The following NOSTRIN variants were observed in gnomAD, a reference collection of about 807,000 sequenced individuals.
NOSTRIN encodes nitric oxide synthase trafficking.
A neutral mutation model predicts 59.0 loss-of-function variants in NOSTRIN; 63 were observed. The observed-to-expected ratio is 1.07, with a 90% confidence interval of 0.87 to 1.32. NOSTRIN has a LOEUF of 1.32. Among genes scored for constraint, NOSTRIN ranks in the 40% most tolerant of loss-of-function variants. The pLI is 0.00. For missense variants in NOSTRIN, 512 were observed against 473.1 expected, an observed-to-expected ratio of 1.08 and a Z score of -0.76; for synonymous variants, 200 against 165.4, an observed-to-expected ratio of 1.21 and a Z score of -1.61.
intron 5 of NOSTRIN, among the ~76,000 whole-genome samples, chr2:168,830,694 T>C (rs1172967467): frequency 6.6e-6 from 1 of 152,202 alleles, no homozygotes; most frequent in Non-Finnish European, 1.5e-5. Flanking sequence ...AGGGAAAAAG[T>C]TAATTATGAT....
At chr2:168,819,343 A>G (rs1001410820) in intron 2 of NOSTRIN, among the ~76,000 whole-genome samples, 1 of 152,222 alleles carries the variant, frequency 6.6e-6, no homozygotes, top group Non-Finnish European at 1.5e-5. Context: ...CTGCCTCATT[A>G]GACCGGAAGC....
chr2:168,837,987 C>T (rs1574303469), intron 7 of NOSTRIN, among the ~76,000 whole-genome samples: 1 of 152,160 alleles, frequency 6.6e-6, no homozygotes, highest in Non-Finnish European at 1.5e-5. Context: ...GGGCCTCACT[C>T]TATTCTCTTC....
intron 8 of NOSTRIN, among the ~76,000 whole-genome samples, chr2:168,847,851 C>A (rs2105740226): frequency 1.3e-5 from 2 of 152,268 alleles, no homozygotes; most frequent in East Asian, 3.9e-4. Flanking sequence ...GAATTTATTT[C>A]CTCCTCTTCT....
intron 2 of NOSTRIN, among the ~76,000 whole-genome samples, chr2:168,788,871 G>A (rs1050265881): frequency 8.0e-5 from 12 of 150,052 alleles, no homozygotes; most frequent in East Asian, 2.0e-4. Context: ...GTATGTGTGC[G>A]TATACACACA....
chr2:168,795,800 C>G (rs1685463867), upstream of NOSTRIN, among the ~76,000 whole-genome samples: 1 of 152,132 alleles, frequency 6.6e-6, no homozygotes, highest in Admixed American at 6.6e-5. Context: ...ATAAAAGTTA[C>G]CTTAGATGCT....
chr2:168,813,988 T>C (rs928551888), intron 2 of NOSTRIN, among the ~76,000 whole-genome samples: 8 of 152,216 alleles, frequency 5.3e-5, no homozygotes, highest in Non-Finnish European at 1.2e-4. Context: ...AGCTTTCAAG[T>C]TTCCTCCCCT....
intron 7 of NOSTRIN, among the ~76,000 whole-genome samples, chr2:168,838,509 G>T (rs2105693891): frequency 6.6e-6 from 1 of 152,216 alleles, no homozygotes; most frequent in East Asian, 1.9e-4. Context: ...CAAAATACTG[G>T]GATTACAGGC....
chr2:168,852,024 C>T (rs1354049792), intron 10 of NOSTRIN, among the ~76,000 whole-genome samples: 1 of 152,154 alleles, frequency 6.6e-6, no homozygotes, highest in Non-Finnish European at 1.5e-5. Context: ...GTGGGTCTCT[C>T]CATGTCTCAG....
intron 12 of NOSTRIN, chr2:168,859,238 TTCA>T (rs1689295165): frequency 3.3e-6 from 1 of 299,132 alleles, no homozygotes; most frequent in African/African-American, 2.2e-5. Flanking sequence ...GTAAAACCTC[TTCA>T]TTGCCATAAA....
At chr2:168,842,347 A>G (rs1394685142) in intron 7 of NOSTRIN, among the ~76,000 whole-genome samples, 1 of 152,110 alleles carries the variant, frequency 6.6e-6, no homozygotes, top group African/African-American at 2.4e-5. Flanking sequence ...TGAATTCTCA[A>G]AGCAACCCGG....
intron 2 of NOSTRIN, among the ~76,000 whole-genome samples, chr2:168,819,579 G>T (rs1425340831): frequency 6.6e-6 from 1 of 152,196 alleles, no homozygotes; most frequent in East Asian, 1.9e-4. Context: ...TAACTGTGCA[G>T]AAAGAGTGCA....
intron 10 of NOSTRIN, among the ~76,000 whole-genome samples, chr2:168,853,536 C>T (rs1688895083): frequency 6.6e-6 from 1 of 152,120 alleles, no homozygotes; most frequent in South Asian, 2.1e-4. Context: ...TGAAATTGAC[C>T]CAGGAGCAAT....
At chr2:168,806,650 A>AG (rs1014309902) in intron 1 of NOSTRIN, among the ~76,000 whole-genome samples, 1 of 152,122 alleles carries the variant, frequency 6.6e-6, no homozygotes, top group Non-Finnish European at 1.5e-5. Context: ...TTATCAGGGG[A>AG]GAAAAACCTC....
intron 2 of NOSTRIN, among the ~76,000 whole-genome samples, chr2:168,816,898 C>T (rs915119853): frequency 3.3e-5 from 5 of 152,060 alleles, no homozygotes; most frequent in Admixed American, 6.5e-5. Flanking sequence ...GCACTCATAA[C>T]GTTAATGAAG....
chr2:168,843,207 C>T lies in NOSTRIN; in HGVS notation c.630+90C>T, dbSNP rs1237897006. The T allele has an allele frequency of 3.7e-5, 28 of 750,522 alleles. No individual in the cohort carries two copies. In the East Asian group the frequency reaches 5.5e-4, roughly 15 times the overall value. The allele number at this position is 750,522 out of a possible 1,614,324, so 46.5% of individuals were successfully genotyped here. On this transcript the variant is annotated intron_variant, in intron 8 of 15. Coordinates refer to ENST00000317647, the MANE Select transcript of NOSTRIN (RefSeq NM_001039724.4). ...TCAGATTACAGTGACAAGACCTGCCCTCTGTCTTAGCTATGAGCATCACAC... is the reference window on the plus strand; with the variant it reads ...TCAGATTACAGTGACAAGACCTGCCTTCTGTCTTAGCTATGAGCATCACAC...
At chr2:168,843,650 G>A (rs1688226967) in intron 8 of NOSTRIN, among the ~76,000 whole-genome samples, 1 of 152,116 alleles carries the variant, frequency 6.6e-6, no homozygotes, top group Admixed American at 6.5e-5. Context: ...CACAAAAGGA[G>A]AAATCAAAAT....
At chr2:168,813,795 ATT>A (rs1686268865) in intron 2 of NOSTRIN, among the ~76,000 whole-genome samples, 2 of 152,212 alleles carry the variant, frequency 1.3e-5, no homozygotes, top group Non-Finnish European at 2.9e-5. Context: ...CAGATCTAAT[ATT>A]TTACCTAGAT....
intron 7 of NOSTRIN, among the ~76,000 whole-genome samples, chr2:168,839,358 T>C (rs1687926655): frequency 6.6e-6 from 1 of 152,162 alleles, no homozygotes; most frequent in Admixed American, 6.5e-5. Flanking sequence ...ATGCCTCTCT[T>C]GATGTCCTTC....
intron 1 of NOSTRIN, among the ~76,000 whole-genome samples, chr2:168,808,640 TAAATC>T (rs977499967): frequency 3.3e-5 from 5 of 152,114 alleles, no homozygotes; most frequent in Non-Finnish European, 5.9e-5. Flanking sequence ...TATTTCTAAA[TAAATC>T]AAATAAGAAA....
Sources: allele counts gnomAD v4.1 joint callset (sites outside exome capture counted in the v4.1 genomes callset), GRCh38; gene constraint gnomAD v4.1.1; transcripts MANE v1.5; gene names NCBI Gene and HGNC (gene_info 2026-07-23, HGNC 2026-07-21).